NCOA2: variants seen among roughly 807,000 people sequenced by gnomAD.
NCOA2 encodes class E basic helix-loop-helix protein 75.
Under a neutral mutation model 145.1 loss-of-function variants are expected in NCOA2, and 21 were observed. That is an observed-to-expected ratio of 0.14 (90% CI 0.10 to 0.21). The LOEUF is 0.21. Ranked by LOEUF, NCOA2 falls within the 10% of genes least tolerant of loss-of-function variation. The probability of loss-of-function intolerance (pLI) is 1.00; values close to 1 mark genes in which losing one functional copy is unlikely to be tolerated. For synonymous variants in NCOA2, 619 were observed against 637.5 expected (o/e 0.97, Z 0.44); for missense variants, 1,472 against 1,837.6 (o/e 0.80, Z 3.64).
intron 1 of NCOA2, among the ~76,000 whole-genome samples, chr8:70,336,438 C>T (rs890322825): frequency 2.6e-5 from 4 of 151,938 alleles, no homozygotes; most frequent in Non-Finnish European, 2.9e-5. Context: ...ATTATATGTA[C>T]GTATTAGCCC....
At chr8:70,303,804 A>G (rs1473944515) in intron 1 of NCOA2, among the ~76,000 whole-genome samples, 3 of 152,174 alleles carry the variant, frequency 2.0e-5, no homozygotes, top group Admixed American at 1.3e-4. Flanking sequence ...GAGGGGGAAG[A>G]TAAGTTATTG....
the NCOA2 span, among the ~76,000 whole-genome samples, chr8:70,450,442 G>A: frequency 7.1e-3 from 1,079 of 152,178 alleles, 8 homozygotes; most frequent in Non-Finnish European, 0.012. Flanking sequence ...TGAATTTGCC[G>A]GTAACTTGAT....
At chr8:70,228,367 G>C (rs1411165566) in intron 2 of NCOA2, among the ~76,000 whole-genome samples, 1 of 152,220 alleles carries the variant, frequency 6.6e-6, no homozygotes, top group Non-Finnish European at 1.5e-5. Flanking sequence ...AGAGACTGGG[G>C]GGACCCTCTA....
At chr8:70,223,572 C>T (rs1820348434) in intron 2 of NCOA2, among the ~76,000 whole-genome samples, 1 of 152,172 alleles carries the variant, frequency 6.6e-6, no homozygotes, top group African/African-American at 2.4e-5. Flanking sequence ...ACCTCTCCGA[C>T]CTGTTTCCTA....
chr8:70,339,800 T>C (rs1285648735), intron 1 of NCOA2, among the ~76,000 whole-genome samples: 4 of 152,100 alleles, frequency 2.6e-5, no homozygotes. Flanking sequence ...CCTACAACCA[T>C]CTGATCTTCA....
At chr8:70,356,644 A>C (rs12682284) in intron 1 of NCOA2, among the ~76,000 whole-genome samples, 15,998 of 152,284 alleles carry the variant, frequency 0.11, 1,286 homozygotes, top group East Asian at 0.4. Flanking sequence ...AAAACTACTG[A>C]ACATCCCTAA....
At chr8:70,384,648 C>T (rs1014305180) in intron 1 of NCOA2, among the ~76,000 whole-genome samples, 1 of 152,136 alleles carries the variant, frequency 6.6e-6, no homozygotes, top group African/African-American at 2.4e-5. Flanking sequence ...ATGATAATTA[C>T]AATACTCTAT....
At chr8:70,245,273 C>T (rs900167317) in intron 2 of NCOA2, 2 of 152,120 alleles carry the variant, frequency 1.3e-5, no homozygotes, top group African/African-American at 4.8e-5. Context: ...AAACTAGCCA[C>T]ACAAATCCTT....
chr8:70,426,782 A>G, the NCOA2 span, among the ~76,000 whole-genome samples: 1 of 152,180 alleles, frequency 6.6e-6, no homozygotes, highest in African/African-American at 2.4e-5. Context: ...ATGAGACACT[A>G]CAAAACTCTG....
chr8:70,268,700 C>T (rs565898655), intron 2 of NCOA2, among the ~76,000 whole-genome samples: 14 of 152,116 alleles, frequency 9.2e-5, no homozygotes, highest in Admixed American at 4.6e-4. Context: ...TACTGCTTCA[C>T]GGGTTTTTAT....
intron 4 of NCOA2, among the ~76,000 whole-genome samples, chr8:70,181,896 C>T (rs2132998438): frequency 6.6e-6 from 1 of 152,252 alleles, no homozygotes; most frequent in Middle Eastern, 3.4e-3. Flanking sequence ...GTCACTGAAA[C>T]AATGATGGGC....
At chr8:70,443,128 G>C in the NCOA2 span, among the ~76,000 whole-genome samples, 1 of 152,192 alleles carries the variant, frequency 6.6e-6, no homozygotes, top group Non-Finnish European at 1.5e-5. Flanking sequence ...ACTTTGGGAG[G>C]CTGAGGTGAT....
chr8:70,269,439 C>T (rs972597220), intron 2 of NCOA2, among the ~76,000 whole-genome samples: 10 of 151,528 alleles, frequency 6.6e-5, no homozygotes, highest in Admixed American at 1.3e-4. Context: ...CTGGGCAACA[C>T]GGTGAGACTC....
chr8:70,302,188 A>G (rs1218945866), intron 1 of NCOA2, among the ~76,000 whole-genome samples: 1 of 152,126 alleles, frequency 6.6e-6, no homozygotes, highest in African/African-American at 2.4e-5. Flanking sequence ...TGTAATGCAA[A>G]TGTGTCCTAA....
At chr8:70,322,063 C>G (rs527244386) in intron 1 of NCOA2, among the ~76,000 whole-genome samples, 18 of 151,716 alleles carry the variant, frequency 1.2e-4, no homozygotes, top group South Asian at 6.3e-4. Flanking sequence ...TTGCAGTGAG[C>G]CAAAATTATG....
intron 12 of NCOA2, among the ~76,000 whole-genome samples, chr8:70,145,555 G>A (rs902360011): frequency 6.6e-5 from 10 of 151,528 alleles, no homozygotes; most frequent in South Asian, 4.2e-4. Context: ...TCTCTTGACC[G>A]TGTGACCCGC....
chr8:70,428,379 G>A, the NCOA2 span, among the ~76,000 whole-genome samples: 1 of 152,164 alleles, frequency 6.6e-6, no homozygotes, highest in African/African-American at 2.4e-5. Context: ...AGGATCCCTT[G>A]AGCCTGGGAG....
At chr8:70,419,251 A>G in the NCOA2 span, among the ~76,000 whole-genome samples, 13 of 152,254 alleles carry the variant, frequency 8.5e-5, no homozygotes, top group South Asian at 2.7e-3. Flanking sequence ...CAATTCTTCA[A>G]GGAGTTTTTA....
At chr8:70,185,697 AG>A (rs1385605320) in intron 4 of NCOA2, among the ~76,000 whole-genome samples, 2 of 152,212 alleles carry the variant, frequency 1.3e-5, no homozygotes, top group Non-Finnish European at 2.9e-5. Context: ...AATCTCCCAC[AG>A]GCAAAGATCT....
Sources: gnomAD v4.1 joint callset for allele counts (sites outside exome capture counted in the v4.1 genomes callset) on GRCh38, gnomAD v4.1.1 for gene constraint, MANE v1.5 for transcripts, NCBI Gene and HGNC (gene_info 2026-07-23, HGNC 2026-07-21) for gene names.